MMS19: variants seen among roughly 807,000 people sequenced by gnomAD.
MMS19 encodes the protein MMS19 cytosolic iron-sulfur assembly component.
Under a neutral mutation model 129.8 loss-of-function variants are expected in MMS19, and 77 were observed. That is an observed-to-expected ratio of 0.59 (90% CI 0.49 to 0.72). The LOEUF is 0.72. Ranked by LOEUF, MMS19 falls within the 30% of genes least tolerant of loss-of-function variation. The pLI is 0.00. For synonymous variants in MMS19, 491 were observed against 502.8 expected, an observed-to-expected ratio of 0.98 and a Z score of 0.31; for missense variants, 1,168 against 1,266.3, an observed-to-expected ratio of 0.92 and a Z score of 1.18.
At chr10:97,498,615 C>A, upstream of MMS19, 1 of 535,378 alleles carries the variant, frequency 1.9e-6, no homozygotes. Flanking sequence ...CGATTGAGGG[C>A]GAATAATTCC....
intron 22 of MMS19, 39 bp downstream of exon 22, chr10:97,461,789 A>G: frequency 6.3e-7 from 1 of 1,586,584 alleles, no homozygotes; most frequent in East Asian, 2.3e-5. Flanking sequence ...TCACCTTGTC[A>G]AGGTTAAATA....
intron 26 of MMS19, 102 bp from the exon 27 acceptor site, chr10:97,459,843 G>A (rs549497875): frequency 1.1e-3 from 1,133 of 1,051,928 alleles, no homozygotes; most frequent in Non-Finnish European, 1.3e-3. Context: ...GCCTACAAAC[G>A]GGTGAAAGAG....
chr10:97,474,020 T>C lies in MMS19; in HGVS notation c.684+2663A>G, dbSNP rs1400689047. On this transcript the variant is annotated intron_variant, in intron 8 of 30. Transcript: ENST00000438925. ...TTAGTCGGGAGTAGTGTCATGTGCC[T>C]ATGGTTCCAGCTACTCGGGAGGCAG... is the stretch of plus-strand genomic sequence containing the variant. Among the ~76,000 whole-genome samples, 3 of 151,420 alleles carry C rather than the reference T, an allele frequency of 2.0e-5. No individual in the cohort carries two copies. In the East Asian group the frequency reaches 5.9e-4, roughly 30 times the overall value.
In MMS19 at chr10:97,466,485, C is replaced by A. The variant is rs1382425689; in HGVS notation, c.1505+19G>T. 2 of 1,590,858 alleles carry A rather than the reference C, an allele frequency of 1.3e-6. No individual in the cohort carries two copies. Among genetic ancestry groups the A allele is most frequent in the African/African-American group, 2.7e-5 (2 of 74,400 alleles). ...AGGCAGGGAACAGCTTGCTCTATCTCATTGCTTTAAATTCTCACCAACTCT... is the reference window on the plus strand; with the variant it reads ...AGGCAGGGAACAGCTTGCTCTATCTAATTGCTTTAAATTCTCACCAACTCT... On this transcript the variant is annotated intron_variant, in intron 16 of 30. Transcript: ENST00000438925.
At chr10:97,467,206 TA>T (rs1329245742) in intron 14 of MMS19, among the ~76,000 whole-genome samples, 1 of 152,200 alleles carries the variant, frequency 6.6e-6, no homozygotes, top group African/African-American at 2.4e-5. Context: ...CTCGAACTCC[TA>T]ACCTCAAGTT....
At chr10:97,472,532 G>A (rs142456560) in intron 8 of MMS19, among the ~76,000 whole-genome samples, 9 of 152,266 alleles carry the variant, frequency 5.9e-5, no homozygotes, top group Middle Eastern at 6.8e-3. Flanking sequence ...GAGCCACCAC[G>A]CCCAGCCAAT....
In MMS19 at chr10:97,468,268, A is replaced by G. The variant is rs1278430625; in HGVS notation, c.1202T>C (p.Phe401Ser). Residue 401 changes from phenylalanine (F) to serine (S), a missense_variant, in exon 13 of 31, where the codon TTC (phenylalanine) becomes TCC (serine). Physicochemically the swap from Phe to Ser is radical, Grantham distance 155. This residue lies in a region of MMS19 where 831 missense variants were observed against 910.8 expected (regional missense o/e 0.91). Coordinates refer to ENST00000438925, the MANE Select transcript of MMS19 (RefSeq NM_022362.5). ...SNVLPLLLEQ[F>S]HKHSQSSQRR... ...CTCCCTTACCTGACTGTGCTTGTGG[A>G]ACTGTTCCAGCAGTAAAGGCAGTAC... 6.3e-7 allele frequency: 1 copy of G among 1,591,310 alleles called. No individual in the cohort carries two copies. Among genetic ancestry groups the G allele is most frequent in the South Asian group, 1.1e-5 (1 of 88,944 alleles).
At position 97,465,378 on chromosome 10, in the gene MMS19, G is replaced by C. The variant is rs182004943; in HGVS notation, c.1756+427C>G. Among the ~76,000 whole-genome samples, 325 of 149,250 alleles carry C rather than the reference G, an allele frequency of 2.2e-3. 1 individual carries two copies. The highest frequency in any genetic ancestry group is 7.6e-3 in the African/African-American group (306 of 40,396). On this transcript the variant is annotated intron_variant, in intron 18 of 30. Coordinates refer to ENST00000438925, the MANE Select transcript of MMS19 (RefSeq NM_022362.5). ...GAGTACAGTGGCGCAATCTCAGCTC[G>C]CTGCAACCTCCGCCTTGTGGGTTCA... is the stretch of plus-strand genomic sequence containing the variant.
rs545898686 is a variant in MMS19 at position 97,465,449 on chromosome 10, G to A, written c.1756+356C>T. Among the ~76,000 whole-genome samples, 223 of 152,210 alleles carry A rather than the reference G, an allele frequency of 1.5e-3. 3 individuals are homozygous for A. Among genetic ancestry groups the A allele is most frequent in the Non-Finnish European group, 2.4e-4 (16 of 68,036 alleles). On this transcript the variant is annotated intron_variant, in intron 18 of 30. Transcript: ENST00000438925. ...CTCCCCAGTAGCTGGGATTACAGGCGCATGCCACCATGCCCAGCTAATTTT... is the reference window on the plus strand; with the variant it reads ...CTCCCCAGTAGCTGGGATTACAGGCACATGCCACCATGCCCAGCTAATTTT...
In MMS19 at chr10:97,482,229, A is replaced by C. The variant is rs563369045; in HGVS notation, c.162-1187T>G. Among the ~76,000 whole-genome samples, 3 of 152,356 alleles carry C rather than the reference A, an allele frequency of 2.0e-5. 1 individual carries two copies. In the South Asian group the frequency reaches 6.2e-4, roughly 32 times the overall value. On this transcript the variant is annotated intron_variant, in intron 2 of 30. Transcript: ENST00000438925. The stretch of plus-strand genomic sequence containing the variant: ...ATTTGGAGCATTTAAAAATGGAACA[A>C]GGCACACAAATGCTCATAGCAGCAT...
chr10:97,466,305 G>T, intron 16 of MMS19, 146 bp from the exon 17 acceptor site: 1 of 777,850 alleles, frequency 1.3e-6, no homozygotes, highest in Non-Finnish European at 2.1e-6. Flanking sequence ...CACTGAGTTG[G>T]ACAGGGCTTC....
chr10:97,498,665 C>G (rs2040254394), upstream of MMS19: 2 of 459,962 alleles, frequency 4.3e-6, no homozygotes. Flanking sequence ...GGGCGGGCAC[C>G]TGGCTGGGTG....
At chr10:97,494,724 C>A (rs141281182) in intron 1 of MMS19, among the ~76,000 whole-genome samples, 4 of 152,354 alleles carry the variant, frequency 2.6e-5, no homozygotes, top group African/African-American at 9.6e-5. Flanking sequence ...AAAATCAGCT[C>A]TCGTCCTAAT....
intron 13 of MMS19, 47 bp downstream of exon 13, chr10:97,468,205 C>A: frequency 6.8e-7 from 1 of 1,478,078 alleles, no homozygotes; most frequent in Non-Finnish European, 9.0e-7. Context: ...GAAAGGGAAC[C>A]TAGCACACAG....
intron 14 of MMS19, 75 bp from the exon 15 acceptor site, chr10:97,466,976 C>T: frequency 1.3e-6 from 2 of 1,574,462 alleles, no homozygotes. Flanking sequence ...TGATACACAG[C>T]CAACCTGGGG....
intron 8 of MMS19, among the ~76,000 whole-genome samples, chr10:97,476,230 G>T (rs1473037107): frequency 6.6e-6 from 1 of 152,198 alleles, no homozygotes; most frequent in Non-Finnish European, 1.5e-5. Flanking sequence ...TCTATAGCCT[G>T]AGATGCCCTG....
intron 8 of MMS19, among the ~76,000 whole-genome samples, chr10:97,476,396 G>A (rs2035786086): frequency 1.3e-5 from 2 of 152,150 alleles, no homozygotes; most frequent in Admixed American, 1.3e-4. Context: ...ATCTCCTATT[G>A]TTACTTAAAT....
intron 1 of MMS19, among the ~76,000 whole-genome samples, chr10:97,491,549 C>T (rs957350518): frequency 1.3e-5 from 2 of 152,168 alleles, no homozygotes; most frequent in African/African-American, 4.8e-5. Flanking sequence ...CCTGTAGTCC[C>T]AGCTACTCAG....
At chr10:97,475,101 C>G (rs569473797) in intron 8 of MMS19, among the ~76,000 whole-genome samples, 1 of 152,028 alleles carries the variant, frequency 6.6e-6, no homozygotes. Context: ...TCATTATTTC[C>G]GGCCAAAGGA....
Sources: gnomAD v4.1 joint callset for allele counts (sites outside exome capture counted in the v4.1 genomes callset) on GRCh38, gnomAD v4.1.1 for gene constraint, gnomAD v4.1.1 regional missense constraint, MANE v1.5 for transcripts, NCBI Gene and HGNC (gene_info 2026-07-23, HGNC 2026-07-21) for gene names.